TRAPPC9: variants seen among roughly 807,000 people sequenced by gnomAD.
TRAPPC9 encodes the protein trafficking protein particle complex subunit 9, also known as IKK2 binding protein.
In TRAPPC9, 83 loss-of-function variants were observed where a neutral mutation model predicts 124.0. The observed-to-expected ratio is 0.67, with a 90% CI of 0.56 to 0.80. TRAPPC9 has a LOEUF of 0.80. TRAPPC9 is among the 30% of genes least tolerant of loss of function. The probability of loss-of-function intolerance (pLI) is 0.00; values close to 1 mark genes in which losing one functional copy is unlikely to be tolerated. For missense variants in TRAPPC9, 1,302 were observed against 1,508.3 expected (o/e 0.86, Z 2.27); for synonymous variants, 638 against 617.5 (o/e 1.03, Z -0.49).
chr8:140,258,101 G>A (rs146709392), intron 15 of TRAPPC9, among the ~76,000 whole-genome samples: 43 of 152,330 alleles, frequency 2.8e-4, no homozygotes, highest in Non-Finnish European at 5.4e-4. Flanking sequence ...CTAGACACAA[G>A]ACAACAAAGT....
At chr8:140,299,208 C>A (rs1443531010) in intron 11 of TRAPPC9, among the ~76,000 whole-genome samples, 1 of 152,224 alleles carries the variant, frequency 6.6e-6, no homozygotes, top group African/African-American at 2.4e-5. Flanking sequence ...AAGCCTGTTT[C>A]TTTCCACGAC....
At chr8:140,157,775 A>G (rs568617831) in intron 17 of TRAPPC9, among the ~76,000 whole-genome samples, 3 of 152,212 alleles carry the variant, frequency 2.0e-5, no homozygotes, top group African/African-American at 7.2e-5. Flanking sequence ...AAAAGCAAAA[A>G]GAAGAAAAAT....
At chr8:139,856,216 A>G (rs1160154821) in intron 21 of TRAPPC9, among the ~76,000 whole-genome samples, 2 of 151,968 alleles carry the variant, frequency 1.3e-5, no homozygotes, top group African/African-American at 2.4e-5. Context: ...AGGCCTGTGG[A>G]GTGGGGGTGG....
At chr8:139,752,292 C>A (rs748551012) in intron 21 of TRAPPC9, among the ~76,000 whole-genome samples, 1 of 151,072 alleles carries the variant, frequency 6.6e-6, no homozygotes, top group Non-Finnish European at 1.5e-5. Flanking sequence ...ATCCATCAAC[C>A]CATCTACCAT....
intron 21 of TRAPPC9, among the ~76,000 whole-genome samples, chr8:139,786,359 C>A (rs1375964879): frequency 6.6e-6 from 1 of 152,152 alleles, no homozygotes; most frequent in African/African-American, 2.4e-5. Flanking sequence ...CAGCGAGACG[C>A]GAATTCACTA....
At chr8:140,082,286 C>A (rs532841576) in intron 17 of TRAPPC9, 1 of 151,880 alleles carries the variant, frequency 6.6e-6, no homozygotes, top group African/African-American at 2.4e-5. Context: ...AAGGAAGAAC[C>A]TGAAATATAA....
Position 139,775,087 on chromosome 8 carries a change from T to G in TRAPPC9, c.3056-42885A>C, listed in dbSNP as rs1278390631. On this transcript the variant is annotated intron_variant, in intron 21 of 22. Transcript: ENST00000438773. ...CCAGAGTGGGCCCAGGAAGCATCCT[T>G]GGGGCTGTCCGGGTCTGTGGGGCAC... Among the ~76,000 whole-genome samples, 3 of 152,102 alleles carry G rather than the reference T, an allele frequency of 2.0e-5. No homozygotes were observed. In the East Asian group the frequency reaches 5.8e-4, roughly 29 times the overall value.
chr8:140,113,072 A>G (rs112360102), intron 17 of TRAPPC9, among the ~76,000 whole-genome samples: 1,877 of 152,258 alleles, frequency 0.012, 41 homozygotes, highest in African/African-American at 0.043. Flanking sequence ...TTACTTATAT[A>G]TGAGAGAGCA....
chr8:140,301,786 C>T (rs1226636067), intron 10 of TRAPPC9, among the ~76,000 whole-genome samples: 1 of 152,158 alleles, frequency 6.6e-6, no homozygotes, highest in South Asian at 2.1e-4. Flanking sequence ...GAGACACACA[C>T]TTTAGAGTGA....
chr8:139,901,272 C>T (rs934271452), intron 20 of TRAPPC9, among the ~76,000 whole-genome samples: 18 of 152,200 alleles, frequency 1.2e-4, no homozygotes, highest in African/African-American at 4.3e-4. Context: ...AAGGGCTCAG[C>T]TTAGCCCCAC....
intron 9 of TRAPPC9, among the ~76,000 whole-genome samples, chr8:140,326,471 G>T (rs1255742015): frequency 2.6e-5 from 4 of 152,136 alleles, no homozygotes; most frequent in Non-Finnish European, 5.9e-5. Context: ...CGCTTTGCCT[G>T]CCACCACCTA....
intron 17 of TRAPPC9, among the ~76,000 whole-genome samples, chr8:140,154,082 A>G (rs901185066): frequency 8.5e-5 from 13 of 152,176 alleles, no homozygotes; most frequent in Non-Finnish European, 1.3e-4. Context: ...TTTTAAAGGC[A>G]CCCTAAACTC....
chr8:140,314,073 C>T (rs527298600), intron 9 of TRAPPC9, among the ~76,000 whole-genome samples: 1 of 152,308 alleles, frequency 6.6e-6, no homozygotes, highest in South Asian at 2.1e-4. Flanking sequence ...TTCCTCTGCA[C>T]TTAGAAGCTA....
At chr8:140,160,939 C>T (rs1266213326) in intron 17 of TRAPPC9, among the ~76,000 whole-genome samples, 1 of 152,146 alleles carries the variant, frequency 6.6e-6, no homozygotes, top group Non-Finnish European at 1.5e-5. Context: ...CCTAAGCACT[C>T]GCTATGCATC....
chr8:139,794,426 A>G (rs1822907914), intron 21 of TRAPPC9, among the ~76,000 whole-genome samples: 1 of 152,168 alleles, frequency 6.6e-6, no homozygotes, highest in Admixed American at 6.5e-5. Flanking sequence ...TGCCAGAAAA[A>G]GGGGACTCCA....
At chr8:139,972,387 A>T (rs1836160915) in intron 19 of TRAPPC9, among the ~76,000 whole-genome samples, 1 of 152,236 alleles carries the variant, frequency 6.6e-6, no homozygotes, top group African/African-American at 2.4e-5. Flanking sequence ...TCACAGTAAT[A>T]GATTAAAATT....
chr8:140,376,997 C>T (rs2068460097), intron 7 of TRAPPC9, among the ~76,000 whole-genome samples: 1 of 152,072 alleles, frequency 6.6e-6, no homozygotes, highest in South Asian at 2.1e-4. Context: ...CCAGGTATAC[C>T]CACCACATGC....
chr8:139,892,045 C>T (rs955126149), intron 20 of TRAPPC9, among the ~76,000 whole-genome samples: 1 of 152,170 alleles, frequency 6.6e-6, no homozygotes, highest in African/African-American at 2.4e-5. Context: ...CATGTTTCTG[C>T]ATGAATATGT....
At chr8:139,828,762 C>T (rs374943423) in intron 21 of TRAPPC9, among the ~76,000 whole-genome samples, 4 of 152,194 alleles carry the variant, frequency 2.6e-5, no homozygotes, top group East Asian at 1.9e-4. Flanking sequence ...GCTCCAGAGA[C>T]GGCACCCTAG....
Sources: gnomAD v4.1 joint callset for allele counts (sites outside exome capture counted in the v4.1 genomes callset) on GRCh38, gnomAD v4.1.1 for gene constraint, MANE v1.5 for transcripts, NCBI Gene and HGNC (gene_info 2026-07-23, HGNC 2026-07-21) for gene names.